The following BCAT1 variants were observed in gnomAD, a reference collection of about 807,000 sequenced individuals.
BCAT1 encodes branched-chain-amino-acid aminotransferase, cytosolic.
A neutral mutation model predicts 52.4 loss-of-function variants in BCAT1; 48 were observed. That is an observed-to-expected ratio of 0.92 (90% CI 0.73 to 1.16). BCAT1 has a LOEUF of 1.16. BCAT1 is among the 50% of genes most tolerant of loss of function. The probability of loss-of-function intolerance (pLI) is 0.00; values close to 1 mark genes in which losing one functional copy is unlikely to be tolerated. For synonymous variants in BCAT1, 167 were observed against 161.3 expected (o/e 1.04, Z -0.27); for missense variants, 451 against 457.1 (o/e 0.99, Z 0.12).
chr12:24,815,038 T>A lies in BCAT1; in HGVS notation c.*2970A>T, dbSNP rs573895326. Reference sequence around the variant, plus strand: ...GGAACACATCTCTGAAGTCAACTCTTCTTTTGGTGTATCACGAGTTGAATC... The same window carrying A: ...GGAACACATCTCTGAAGTCAACTCTACTTTTGGTGTATCACGAGTTGAATC... On this transcript the variant is annotated 3_prime_UTR_variant, in exon 11 of 11. Coordinates refer to ENST00000261192, the MANE Select transcript of BCAT1 (RefSeq NM_005504.7). 1 of 152,256 alleles carries A rather than the reference T, an allele frequency of 6.6e-6. No homozygotes were observed. The highest frequency in any genetic ancestry group is 2.1e-4 in the South Asian group (1 of 4,824). The allele number at this position is 152,256 out of a possible 1,614,324, so 9.4% of individuals were successfully genotyped here. A position where few individuals can be genotyped will look rare whatever the true frequency, so the allele number is the denominator to read the frequency against.
intron 5 of BCAT1, among the ~76,000 whole-genome samples, chr12:24,878,231 CGTCTTA>C (rs1489062419): frequency 6.6e-6 from 1 of 151,078 alleles, no homozygotes; most frequent in Admixed American, 6.6e-5. Context: ...TCTTAATAAA[CGTCTTA>C]GTATTTTGTC....
chr12:24,868,614 T>A (rs762984914), intron 5 of BCAT1, among the ~76,000 whole-genome samples: 5 of 152,196 alleles, frequency 3.3e-5, no homozygotes, highest in African/African-American at 4.8e-5. Flanking sequence ...AAATTGTATA[T>A]GTTACTTGAT....
chr12:24,835,455 G>T (rs768025671), intron 8 of BCAT1, among the ~76,000 whole-genome samples: 3 of 152,112 alleles, frequency 2.0e-5, no homozygotes, highest in Non-Finnish European at 4.4e-5. Flanking sequence ...TGGGTCAAAA[G>T]TTCCATCCAA....
intron 8 of BCAT1, among the ~76,000 whole-genome samples, chr12:24,835,200 G>C (rs758284949): frequency 1.3e-5 from 2 of 152,114 alleles, no homozygotes; most frequent in Non-Finnish European, 2.9e-5. Context: ...TTATACCAAC[G>C]GTTTGTAAAT....
At chr12:24,921,255 T>G (rs937549864) in intron 1 of BCAT1, among the ~76,000 whole-genome samples, 5 of 152,302 alleles carry the variant, frequency 3.3e-5, no homozygotes, top group East Asian at 3.9e-4. Context: ...ACTTTGGAGA[T>G]TCCAAGGATT....
At chr12:24,828,901 G>A in intron 10 of BCAT1, among the ~76,000 whole-genome samples, 1 of 152,072 alleles carries the variant, frequency 6.6e-6, no homozygotes, top group Non-Finnish European at 1.5e-5. Flanking sequence ...CAGCTACTCG[G>A]GAGGCTGAGG....
At position 24,815,356 on chromosome 12, in the gene BCAT1, C is replaced by T. The variant is rs1338609832; in HGVS notation, c.*2652G>A. ...AACCCAATTAAACATTAAATAATTG[C>T]AGCCAATTATGCAAATATCAGCAAC... On this transcript the variant is annotated 3_prime_UTR_variant, in exon 11 of 11. Coordinates refer to ENST00000261192, the MANE Select transcript of BCAT1 (RefSeq NM_005504.7). 1.3e-5 allele frequency: 2 copies of T among 152,598 alleles called. No individual in the cohort carries two copies. The highest frequency in any genetic ancestry group is 4.8e-5 in the African/African-American group (2 of 41,442). 9.5% of individuals were successfully genotyped at this position (152,598 alleles called of 1,614,324 possible). A position where few individuals can be genotyped will look rare whatever the true frequency, so the allele number is the denominator to read the frequency against.
At position 24,908,846 on chromosome 12, in the gene BCAT1, C is replaced by T. The variant is rs181159489; in HGVS notation, c.7-6961G>A. Among the ~76,000 whole-genome samples the T allele has an allele frequency of 3.4e-4, 52 of 152,318 alleles. No individual in the cohort carries two copies. In the East Asian group the frequency reaches 8.5e-3, roughly 25 times the overall value. On this transcript the variant is annotated intron_variant, in intron 1 of 10. Transcript: ENST00000261192. ...GCATTGAAGTCCCTTGGTTGAGATT[C>T]GTTATCCTGGTTCTATCACTTATAA... is the stretch of plus-strand genomic sequence containing the variant.
At chr12:24,876,662 T>TGG (rs1324750751) in intron 5 of BCAT1, among the ~76,000 whole-genome samples, 1 of 152,090 alleles carries the variant, frequency 6.6e-6, no homozygotes, top group Non-Finnish European at 1.5e-5. Flanking sequence ...TCAACCAACT[T>TGG]TAAAAAGTAC....
intron 9 of BCAT1, among the ~76,000 whole-genome samples, chr12:24,831,813 G>A (rs12816139): frequency 6.6e-6 from 1 of 152,226 alleles, no homozygotes. Flanking sequence ...AAAGTTAGAT[G>A]CCAATGTTAA....
At chr12:24,910,727 A>G (rs1199578955) in intron 1 of BCAT1, among the ~76,000 whole-genome samples, 6 of 152,220 alleles carry the variant, frequency 3.9e-5, no homozygotes, top group Non-Finnish European at 8.8e-5. Flanking sequence ...TTGATGATCA[A>G]AATTGTGTCA....
At chr12:24,932,490 A>G (rs1943690572) in intron 1 of BCAT1, among the ~76,000 whole-genome samples, 1 of 152,250 alleles carries the variant, frequency 6.6e-6, no homozygotes, top group Non-Finnish European at 1.5e-5. Flanking sequence ...TCACTACTGC[A>G]TCATTTCATT....
intron 5 of BCAT1, among the ~76,000 whole-genome samples, chr12:24,854,981 C>G (rs1472596957): frequency 6.6e-6 from 1 of 152,172 alleles, no homozygotes. Context: ...CTGCTGAGTG[C>G]CCCCCGCCCC....
At position 24,948,943 on chromosome 12, in the gene BCAT1, G is replaced by A; in HGVS notation, c.-11C>T. ...AGTAGTTACCTTCATTGTTCCGTCG[G>A]CCACGAGGGAAGCTCGAGCTGAGCG... On this transcript the variant is annotated 5_prime_UTR_variant, in exon 1 of 11. Transcript: ENST00000261192. 6.3e-7 allele frequency: 1 copy of A among 1,595,160 alleles called. No homozygotes were observed.
intron 1 of BCAT1, chr12:24,902,718 G>C (rs188519206): frequency 5.9e-4 from 382 of 649,788 alleles, no homozygotes; most frequent in Non-Finnish European, 7.9e-4. Flanking sequence ...CCATGAGGGT[G>C]CTAGACCTGG....
At chr12:24,819,962 T>C (rs573338665) in intron 10 of BCAT1, among the ~76,000 whole-genome samples, 64 of 152,354 alleles carry the variant, frequency 4.2e-4, no homozygotes, top group Non-Finnish European at 7.6e-4. Flanking sequence ...GGGCAAAATA[T>C]GTGTTTTATT....
At chr12:24,834,617 A>G in intron 8 of BCAT1, 4 of 980,796 alleles carry the variant, frequency 4.1e-6, no homozygotes, top group African/African-American at 1.7e-5. Context: ...TATTCAAAAT[A>G]TTTGAATATT....
At chr12:24,851,938 C>T (rs1032949698) in intron 5 of BCAT1, among the ~76,000 whole-genome samples, 13 of 151,980 alleles carry the variant, frequency 8.6e-5, no homozygotes, top group East Asian at 1.9e-4. Flanking sequence ...TCCTATGATA[C>T]GGTTTGGATT....
intron 1 of BCAT1, chr12:24,903,024 G>A (rs1475389570): frequency 7.1e-7 from 1 of 1,417,390 alleles, no homozygotes; most frequent in Non-Finnish European, 9.2e-7. Context: ...GCAGAGAGCG[G>A]CAGTGGCACG....
Sources: allele counts gnomAD v4.1 joint callset (sites outside exome capture counted in the v4.1 genomes callset), GRCh38; gene constraint gnomAD v4.1.1; transcripts MANE v1.5; gene names NCBI Gene and HGNC (gene_info 2026-07-23, HGNC 2026-07-21).